GBE1: variants seen among roughly 807,000 people sequenced by gnomAD.
The protein encoded by GBE1 is 1,4-alpha-glucan-branching enzyme.
In GBE1, 70 loss-of-function variants were observed where a neutral mutation model predicts 88.8. That is an observed-to-expected ratio of 0.79 (90% CI 0.65 to 0.96). GBE1 has a LOEUF of 0.96. Among genes scored for constraint, GBE1 ranks in the 40% least tolerant of loss-of-function variants. The pLI is 0.00. For synonymous variants in GBE1, 284 were observed against 300.1 expected (o/e 0.95, Z 0.56); for missense variants, 872 against 871.0 (o/e 1.00, Z -0.01).
chr3:81,578,679 T>A (rs1703681993), intron 11 of GBE1, among the ~76,000 whole-genome samples: 1 of 152,024 alleles, frequency 6.6e-6, no homozygotes, highest in South Asian at 2.1e-4. Flanking sequence ...TAGTTTGTTT[T>A]ACCTGAAAAT....
chr3:81,506,008 G>A (rs1300736713), intron 14 of GBE1, among the ~76,000 whole-genome samples: 1 of 152,040 alleles, frequency 6.6e-6, no homozygotes, highest in East Asian at 1.9e-4. Flanking sequence ...TCAGGACACA[G>A]GCGAGGGCAA....
chr3:81,677,465 AT>A (rs1289216035), intron 2 of GBE1, among the ~76,000 whole-genome samples: 1 of 152,216 alleles, frequency 6.6e-6, no homozygotes, highest in Non-Finnish European at 1.5e-5. Context: ...ATATGATGTC[AT>A]TTAATTACTT....
At chr3:81,575,091 G>A (rs1210226899) in intron 12 of GBE1, among the ~76,000 whole-genome samples, 1 of 151,704 alleles carries the variant, frequency 6.6e-6, no homozygotes, top group East Asian at 1.9e-4. Context: ...CGTGAACCCG[G>A]GAAGCAGAGC....
chr3:81,750,539 GTATATATATA>G (rs71108342), intron 1 of GBE1, among the ~76,000 whole-genome samples: 6 of 66,400 alleles, frequency 9.0e-5, no homozygotes, highest in African/African-American at 4.8e-4. Flanking sequence ...ATATATATAC[GTATATATATA>G]TGTATATATA....
intron 10 of GBE1, among the ~76,000 whole-genome samples, chr3:81,584,920 T>G (rs3772915): frequency 0.23 from 34,212 of 151,792 alleles, 4,108 homozygotes; most frequent in East Asian, 0.41. Flanking sequence ...AAGTAAGATT[T>G]GTCACTTGTG....
At chr3:81,703,262 T>C (rs1384357835) in intron 2 of GBE1, among the ~76,000 whole-genome samples, 2 of 152,028 alleles carry the variant, frequency 1.3e-5, no homozygotes, top group African/African-American at 4.8e-5. Context: ...ATAACAACCA[T>C]GACTTAAGTG....
At chr3:81,584,405 G>A (rs1703771336) in intron 10 of GBE1, among the ~76,000 whole-genome samples, 1 of 152,026 alleles carries the variant, frequency 6.6e-6, no homozygotes, top group Non-Finnish European at 1.5e-5. Context: ...TAGGGAGAAT[G>A]GGAGCCACTT....
At chr3:81,542,982 T>C (rs116264731) in intron 12 of GBE1, among the ~76,000 whole-genome samples, 2,601 of 152,252 alleles carry the variant, frequency 0.017, 90 homozygotes, top group African/African-American at 0.06. Context: ...TATTTGGTAA[T>C]GTAACTCAAT....
chr3:81,543,259 T>C (rs1703164912), intron 12 of GBE1, among the ~76,000 whole-genome samples: 1 of 152,180 alleles, frequency 6.6e-6, no homozygotes, highest in Non-Finnish European at 1.5e-5. Flanking sequence ...CTGAAAAATA[T>C]AGAAAGTTGC....
rs765584057 is a variant in GBE1 at position 81,591,052 on chromosome 3, A to G, written c.1221T>C (p.Ser407=). The change falls in exon 9 of 16, where the codon TCT becomes TCC. Residue 407 remains serine (S), a synonymous_variant. Coordinates refer to ENST00000429644, the MANE Select transcript of GBE1 (RefSeq NM_000158.4). ...ATGGCTTTACCTCAGCTATTGTTAT[A>G]GAATCGGGACACAGCGTGTGAACCA... ...NHLVHTLCPD[S]ITIAEDVSGM... The G allele has an allele frequency of 1.2e-6, 2 of 1,609,370 alleles. No homozygotes were observed. Among genetic ancestry groups the G allele is most frequent in the African/African-American group, 1.3e-5 (1 of 74,968 alleles).
In GBE1 at chr3:81,688,321, C is replaced by T. The variant is rs1705469250; in HGVS notation, c.313+17123G>A. Among the ~76,000 whole-genome samples the T allele has an allele frequency of 2.0e-5, 3 of 152,190 alleles. No individual in the cohort carries two copies. The South Asian group carries it at 6.2e-4, about 31-fold the overall frequency. On this transcript the variant is annotated intron_variant, in intron 2 of 15. Transcript: ENST00000429644. ...ATTTGTCTATATTGATTTGTTCTTC[C>T]CTTGACTGCCAGCTTTCTGAAGGTA...
chr3:81,610,540 T>G (rs1410611401), intron 7 of GBE1, among the ~76,000 whole-genome samples: 1 of 152,066 alleles, frequency 6.6e-6, no homozygotes, highest in African/African-American at 2.4e-5. Context: ...TTTGAGAAAT[T>G]GGGGGTGGCA....
intron 12 of GBE1, among the ~76,000 whole-genome samples, chr3:81,559,054 T>C (rs1482291029): frequency 3.3e-5 from 5 of 152,068 alleles, no homozygotes; most frequent in Non-Finnish European, 5.9e-5. Context: ...CTGGCAGTCA[T>C]AGAAAATTTT....
chr3:81,754,072 C>T (rs1401944186), intron 1 of GBE1, among the ~76,000 whole-genome samples: 2 of 152,070 alleles, frequency 1.3e-5, no homozygotes, highest in African/African-American at 2.4e-5. Flanking sequence ...AAAGACTCCA[C>T]CCAAAAGCTG....
At chr3:81,586,281 G>C in intron 9 of GBE1, 91 bp from the exon 10 acceptor site, 1 of 768,364 alleles carries the variant, frequency 1.3e-6, no homozygotes, top group Non-Finnish European at 2.1e-6. Context: ...ACAATAATAG[G>C]GGAATATATT....
chr3:81,503,189 T>C (rs1026048482), intron 14 of GBE1, among the ~76,000 whole-genome samples: 1 of 152,094 alleles, frequency 6.6e-6, no homozygotes, highest in African/African-American at 2.4e-5. Context: ...GAAACAAAAA[T>C]AAGGAAGACA....
At chr3:81,506,163 T>TGACA (rs1326203294) in intron 14 of GBE1, among the ~76,000 whole-genome samples, 1 of 152,062 alleles carries the variant, frequency 6.6e-6, no homozygotes, top group Non-Finnish European at 1.5e-5. Flanking sequence ...ACTATGCATC[T>TGACA]GACAAAGTTC....
chr3:81,538,917 A>C (rs1384369427), intron 12 of GBE1, among the ~76,000 whole-genome samples: 3 of 151,984 alleles, frequency 2.0e-5, no homozygotes, highest in Non-Finnish European at 4.4e-5. Flanking sequence ...TCCCAGTATT[A>C]ATAAACAATT....
chr3:81,536,911 C>A lies in GBE1; in HGVS notation c.1803G>T (p.Gln601His). ...ACAGCATCCAGAGTGAAGAGCTTACCTGTGGAGCTGCAAGCCAACCATATC... is the reference window on the plus strand; with the variant it reads ...ACAGCATCCAGAGTGAAGAGCTTACATGTGGAGCTGCAAGCCAACCATATC... ...EERYGWLAAP[Q>H]AYVSEKHEGN... The change falls in exon 13 of 16, where the codon CAG becomes CAT. Residue 601 changes from glutamine to histidine, a missense_variant and splice_region_variant. Physicochemically the swap from Gln to His is conservative, Grantham distance 24. Transcript: ENST00000429644. 3.2e-6 allele frequency: 5 copies of A among 1,585,020 alleles called. No individual in the cohort carries two copies. The highest frequency in any genetic ancestry group is 1.4e-5 in the African/African-American group (1 of 73,032).
Sources: allele counts gnomAD v4.1 joint callset (sites outside exome capture counted in the v4.1 genomes callset), GRCh38; gene constraint gnomAD v4.1.1; transcripts MANE v1.5; gene names NCBI Gene and HGNC (gene_info 2026-07-23, HGNC 2026-07-21).